PMS2: variants seen among roughly 807,000 people sequenced by gnomAD.
The protein encoded by PMS2 is PMS1 homolog 2, mismatch repair system component, also known as mismatch repair endonuclease PMS2.
PMS2 carries 69 observed loss-of-function variants against 90.0 expected under a neutral mutation model. The ratio of observed to expected loss-of-function variants is 0.77; its 90% CI spans 0.63 to 0.94. The LOEUF is 0.94. Ranked by LOEUF, PMS2 falls within the 40% of genes least tolerant of loss-of-function variation. The pLI is 0.00. For missense variants in PMS2, 966 were observed against 1,040.2 expected (o/e 0.93, Z 0.98); for synonymous variants, 332 against 375.1 (o/e 0.89, Z 1.33).
chr7:6,002,630 G>A lies in PMS2; in HGVS notation c.360C>T (p.Val120=), dbSNP rs767313783. ...CCGATGCGTGGCAGGTAGAAATGGT[G>A]ACATCGCTGTGAGAGAATACCAGGC... ...ALSSLCALSD[V]TISTCHASAK... is the part of the protein sequence containing the mutation. The change falls in exon 5 of 15, where the codon GTC becomes GTT. Residue 120 remains valine, a synonymous_variant. Coordinates refer to ENST00000265849, the MANE Select transcript of PMS2 (RefSeq NM_000535.7). The A allele has an allele frequency of 3.7e-6, 6 of 1,610,974 alleles. No homozygotes were observed. The highest frequency in any genetic ancestry group is 2.3e-4 in the Middle Eastern group (1 of 4,428).
intron 1 of PMS2, among the ~76,000 whole-genome samples, chr7:6,008,513 G>A (rs1242934047): frequency 6.6e-6 from 1 of 152,120 alleles, no homozygotes; most frequent in South Asian, 2.1e-4. Flanking sequence ...ACTTTGAGGG[G>A]CCAAGGCGGG....
chr7:5,996,608 TATATAC>T lies in PMS2; in HGVS notation c.803+712_803+717del, dbSNP rs1270226258. ...AAAAAAAAATATATATATATATATA[TATATAC>T]ACACAGATAGATAGATATCTTTACA... On this transcript the variant is annotated intron_variant, in intron 7 of 14. Transcript: ENST00000265849. Among the ~76,000 whole-genome samples, 679 of 137,558 alleles carry T rather than the reference TATATAC, an allele frequency of 4.9e-3. 9 individuals are homozygous for T. Among genetic ancestry groups the T allele is most frequent in the African/African-American group, 0.016 (570 of 36,314 alleles). The allele number at this position is 137,558 out of a possible 152,430, so 90.2% of individuals were successfully genotyped here.
chr7:6,004,431 G>C (rs1017338834), intron 2 of PMS2: 9 of 202,744 alleles, frequency 4.4e-5, no homozygotes, highest in Non-Finnish European at 7.0e-5. Flanking sequence ...TAAAGAGAAC[G>C]GGGACCGGGT....
chr7:5,990,620 T>G (rs1170944002), intron 9 of PMS2, among the ~76,000 whole-genome samples: 1 of 152,220 alleles, frequency 6.6e-6, no homozygotes, highest in African/African-American at 2.4e-5. Context: ...TAGGTAGGTG[T>G]GTAAATTGGT....
At chr7:5,984,440 T>C (rs13242636) in intron 11 of PMS2, among the ~76,000 whole-genome samples, 8 of 151,868 alleles carry the variant, frequency 5.3e-5, no homozygotes, top group South Asian at 4.1e-4. Flanking sequence ...AGCGCGGTGA[T>C]GACAAGAAAT....
At chr7:5,991,765 G>T (rs944500881) in intron 9 of PMS2, among the ~76,000 whole-genome samples, 3 of 151,942 alleles carry the variant, frequency 2.0e-5, no homozygotes, top group Admixed American at 6.6e-5. Context: ...CTTGAACCCG[G>T]GAGGCAGAGG....
intron 2 of PMS2, among the ~76,000 whole-genome samples, chr7:6,005,084 T>C (rs989475741): frequency 6.6e-6 from 1 of 152,056 alleles, no homozygotes; most frequent in Non-Finnish European, 1.5e-5. Flanking sequence ...TTTGTATTTT[T>C]AGTAGAGACA....
chr7:5,985,916 G>A (rs2128716674), intron 11 of PMS2, among the ~76,000 whole-genome samples: 1 of 122,956 alleles, frequency 8.1e-6, no homozygotes, highest in Non-Finnish European at 1.7e-5. Context: ...CCTTGGAGCA[G>A]GAGTGGCCGC....
chr7:5,998,690 G>A (rs951486970), intron 6 of PMS2, among the ~76,000 whole-genome samples: 1 of 127,370 alleles, frequency 7.9e-6, no homozygotes, highest in African/African-American at 3.1e-5. Flanking sequence ...CAAGACTCCA[G>A]CTCAAAAAAA....
intron 8 of PMS2, 23 bp downstream of exon 8, chr7:5,995,507 AAACT>A (rs1359321657): frequency 4.1e-6 from 6 of 1,477,086 alleles, no homozygotes; most frequent in Non-Finnish European, 5.7e-6. Flanking sequence ...CATAAAGAAC[AAACT>A]AACACAAAAA....
At chr7:5,985,400 T>C (rs936147525) in intron 11 of PMS2, among the ~76,000 whole-genome samples, 1 of 150,870 alleles carries the variant, frequency 6.6e-6, no homozygotes, top group Non-Finnish European at 1.5e-5. Flanking sequence ...CACCACCATG[T>C]TAGGCCTGAG....
At chr7:5,987,743 G>C (rs1783208835) in intron 10 of PMS2, 123 bp from the exon 11 acceptor site, 1 of 1,037,962 alleles carries the variant, frequency 9.6e-7, no homozygotes, top group Non-Finnish European at 1.5e-6. Context: ...GATGAACACA[G>C]TTCAATGTTC....
chr7:5,995,606 C>T lies in PMS2; in HGVS notation c.831G>A (p.Thr277=), dbSNP rs116481522. ...CTGTTGAACTCCTTCCAACTCCATG[C>T]GTGCATTGTGAAATGAAACCTGAGA... is the stretch of plus-strand genomic sequence containing the variant. The part of the protein sequence containing the change: ...FYISGFISQC[T]HGVGRSSTDR... Residue 277 remains threonine (T), a synonymous_variant, in exon 8 of 15, where the codon ACG becomes ACA. Coordinates refer to ENST00000265849, the MANE Select transcript of PMS2 (RefSeq NM_000535.7). 5.4e-5 allele frequency: 87 copies of T among 1,613,502 alleles called. 1 individual carries two copies. Among genetic ancestry groups the T allele is most frequent in the South Asian group, 4.3e-4 (39 of 91,066 alleles).
intron 6 of PMS2, among the ~76,000 whole-genome samples, chr7:5,998,774 G>A (rs1256855829): frequency 1.3e-5 from 2 of 151,318 alleles, no homozygotes; most frequent in South Asian, 2.1e-4. Context: ...GGTGGATCAC[G>A]AGGTCAGGAA....
At position 5,982,846 on chromosome 7, in the gene PMS2, G is replaced by A. The variant is rs139765160; in HGVS notation, c.2152C>T (p.Leu718Phe). Reference protein sequence around the residue: ...NFEMLQQHTVLQGQRLIAPQT... With the variant: ...NFEMLQQHTVFQGQRLIAPQT... ...CACGCTATGAGCCTCTGCCCCTGGA[G>A]CACGGTGTGCTGCTGCAGCATCTCG... Residue 718 changes from leucine (L) to phenylalanine (F), a missense_variant, in exon 12 of 15, where the codon CTC becomes TTC. Leu to Phe is a conservative substitution (Grantham distance 22). Transcript: ENST00000265849. 3.7e-6 allele frequency: 6 copies of A among 1,608,834 alleles called. No homozygotes were observed. The highest frequency in any genetic ancestry group is 1.3e-5 in the African/African-American group (1 of 74,258).
intron 7 of PMS2, among the ~76,000 whole-genome samples, chr7:5,996,576 C>T (rs1237994451): frequency 2.8e-4 from 7 of 24,576 alleles, no homozygotes; most frequent in African/African-American, 1.4e-3. Context: ...CATCTCAAAG[C>T]TAAAAAAAAA....
intron 8 of PMS2, among the ~76,000 whole-genome samples, chr7:5,992,340 A>C (rs1783861503): frequency 6.7e-6 from 1 of 148,390 alleles, no homozygotes. Flanking sequence ...TTTTTTTTCA[A>C]CGGAGTCTCG....
At chr7:5,975,985 A>G (rs1781591236) in intron 14 of PMS2, among the ~76,000 whole-genome samples, 2 of 141,234 alleles carry the variant, frequency 1.4e-5, no homozygotes, top group African/African-American at 5.0e-5. Context: ...TCACGCCTGT[A>G]ATCCCAGCAC....
chr7:6,003,275 CA>C (rs1785309267), intron 4 of PMS2: 2 of 136,358 alleles, frequency 1.5e-5, no homozygotes, highest in Non-Finnish European at 3.1e-5. Flanking sequence ...GCCTGGGTGA[CA>C]AAGAGAGACT....
Sources: gnomAD v4.1 joint callset for allele counts (sites outside exome capture counted in the v4.1 genomes callset) on GRCh38, gnomAD v4.1.1 for gene constraint, MANE v1.5 for transcripts, NCBI Gene and HGNC (gene_info 2026-07-23, HGNC 2026-07-21) for gene names.